CTNNA3: variants seen among roughly 807,000 people sequenced by gnomAD.
The protein encoded by CTNNA3 is catenin alpha 3.
Under a neutral mutation model 95.7 loss-of-function variants are expected in CTNNA3, and 76 were observed. The ratio of observed to expected loss-of-function variants is 0.79; its 90% CI spans 0.66 to 0.96. CTNNA3 has a LOEUF of 0.96. Ranked by LOEUF, CTNNA3 falls within the 40% of genes least tolerant of loss-of-function variation. The pLI, the probability that CTNNA3 is intolerant of heterozygous loss-of-function variation, is 0.00. For synonymous variants in CTNNA3, 431 were observed against 374.4 expected (o/e 1.15, Z -1.74); for missense variants, 1,191 against 1,089.8 (o/e 1.09, Z -1.31).
At chr10:66,195,058 G>T (rs1197528061) in intron 13 of CTNNA3, among the ~76,000 whole-genome samples, 2 of 151,932 alleles carry the variant, frequency 1.3e-5, no homozygotes, top group East Asian at 1.9e-4. Context: ...AGGTAGACTT[G>T]GGCATATACA....
intron 15 of CTNNA3, among the ~76,000 whole-genome samples, chr10:66,015,943 A>T (rs180805377): frequency 1.5e-4 from 23 of 152,332 alleles, no homozygotes; most frequent in South Asian, 4.1e-4. Flanking sequence ...TATATGTTAA[A>T]TATTTAGCAA....
chr10:67,616,208 T>C (rs543400116), intron 2 of CTNNA3, among the ~76,000 whole-genome samples: 8 of 152,240 alleles, frequency 5.3e-5, no homozygotes, highest in African/African-American at 1.9e-4. Flanking sequence ...ATAGGAAGGC[T>C]GGTATGGAGG....
At chr10:67,072,140 G>T (rs543311169) in intron 7 of CTNNA3, among the ~76,000 whole-genome samples, 1 of 152,228 alleles carries the variant, frequency 6.6e-6, no homozygotes, top group East Asian at 1.9e-4. Flanking sequence ...TTTTAGTAGA[G>T]ATGGCTTTTT....
At chr10:66,563,951 T>A (rs1842629104) in intron 10 of CTNNA3, among the ~76,000 whole-genome samples, 1 of 152,052 alleles carries the variant, frequency 6.6e-6, no homozygotes, top group African/African-American at 2.4e-5. Context: ...AATGTACATC[T>A]TATATATATT....
intron 7 of CTNNA3, among the ~76,000 whole-genome samples, chr10:66,833,079 T>C (rs1842776933): frequency 6.6e-6 from 1 of 152,210 alleles, no homozygotes; most frequent in African/African-American, 2.4e-5. Context: ...ATATTTTATC[T>C]TGGTGCTTTC....
intron 11 of CTNNA3, among the ~76,000 whole-genome samples, chr10:66,423,063 C>A (rs2093209684): frequency 6.6e-6 from 1 of 152,136 alleles, no homozygotes; most frequent in South Asian, 2.1e-4. Context: ...CCCTGTCCAA[C>A]TCCAACTCTC....
intron 7 of CTNNA3, among the ~76,000 whole-genome samples, chr10:66,962,875 C>T (rs899656370): frequency 3.9e-5 from 6 of 152,034 alleles, no homozygotes; most frequent in Admixed American, 2.0e-4. Context: ...TCTGTCTTGC[C>T]CAACAATGCA....
chr10:66,392,185 C>G (rs774617775), intron 11 of CTNNA3, among the ~76,000 whole-genome samples: 2 of 152,108 alleles, frequency 1.3e-5, no homozygotes, highest in Non-Finnish European at 2.9e-5. Flanking sequence ...AATCCCAGCA[C>G]TTTGGGAGGC....
chr10:67,216,532 T>TCATG (rs1444816649), intron 6 of CTNNA3, among the ~76,000 whole-genome samples: 1 of 152,212 alleles, frequency 6.6e-6, no homozygotes, highest in Non-Finnish European at 1.5e-5. Context: ...ATTCATTCAT[T>TCATG]CATGCATTCA....
intron 5 of CTNNA3, among the ~76,000 whole-genome samples, chr10:67,369,796 C>T (rs529076172): frequency 1.3e-5 from 2 of 152,012 alleles, no homozygotes; most frequent in East Asian, 3.9e-4. Flanking sequence ...AGAAAAATAA[C>T]CAAAGTTAAA....
At chr10:66,399,230 T>C (rs1406364639) in intron 11 of CTNNA3, among the ~76,000 whole-genome samples, 1 of 151,884 alleles carries the variant, frequency 6.6e-6, no homozygotes, top group African/African-American at 2.4e-5. Context: ...TGAGTTAAAA[T>C]TGACTGTGAA....
At chr10:66,149,781 G>A (rs2084095201) in intron 13 of CTNNA3, among the ~76,000 whole-genome samples, 1 of 151,824 alleles carries the variant, frequency 6.6e-6, no homozygotes, top group Admixed American at 6.6e-5. Flanking sequence ...AAATTAAGCT[G>A]AGTATCATCC....
intron 7 of CTNNA3, among the ~76,000 whole-genome samples, chr10:66,828,705 A>G (rs1277270248): frequency 6.6e-6 from 1 of 152,238 alleles, no homozygotes; most frequent in Non-Finnish European, 1.5e-5. Flanking sequence ...CAGCTTCATC[A>G]TTTTATTAAA....
chr10:66,504,886 C>T (rs1840398245), intron 11 of CTNNA3, among the ~76,000 whole-genome samples: 1 of 152,084 alleles, frequency 6.6e-6, no homozygotes, highest in Non-Finnish European at 1.5e-5. Context: ...TGTTTATAAA[C>T]AGTATATTTT....
intron 9 of CTNNA3, among the ~76,000 whole-genome samples, chr10:66,752,364 C>T (rs142430212): frequency 5.9e-5 from 9 of 152,120 alleles, no homozygotes; most frequent in African/African-American, 9.6e-5. Context: ...CAGCAAATAA[C>T]GCTGAAACAA....
intron 1 of CTNNA3, among the ~76,000 whole-genome samples, chr10:67,720,590 AT>A (rs1366963613): frequency 2.0e-5 from 3 of 151,950 alleles, no homozygotes; most frequent in Non-Finnish European, 4.4e-5. Flanking sequence ...TCTGTAAAGG[AT>A]TTTATTTCTC....
Position 66,018,227 on chromosome 10 carries a change from T to G in CTNNA3, c.2160-29430A>C, listed in dbSNP as rs540614280. ...ACACACACACACACACACTATTTTATTGGCTGACAAAGAATAAGTGCAGAA... is the reference window on the plus strand; with the variant it reads ...ACACACACACACACACACTATTTTAGTGGCTGACAAAGAATAAGTGCAGAA... On this transcript the variant is annotated intron_variant, in intron 15 of 17. Coordinates refer to ENST00000433211, the MANE Select transcript of CTNNA3 (RefSeq NM_013266.4). Among the ~76,000 whole-genome samples, 46 of 62,928 alleles carry G rather than the reference T, an allele frequency of 7.3e-4. No homozygotes were observed. The South Asian group carries it at 0.023, about 31-fold the overall frequency. 41.3% of individuals were successfully genotyped at this position (62,928 alleles called of 152,430 possible). A position where few individuals can be genotyped will look rare whatever the true frequency, so the allele number is the denominator to read the frequency against.
intron 9 of CTNNA3, among the ~76,000 whole-genome samples, chr10:66,734,469 T>C (rs898757210): frequency 3.3e-5 from 5 of 152,152 alleles, no homozygotes; most frequent in South Asian, 2.1e-4. Context: ...CAAAAGTATT[T>C]TGTTGGTGGT....
intron 5 of CTNNA3, among the ~76,000 whole-genome samples, chr10:67,299,540 G>C (rs1342791020): frequency 6.6e-6 from 1 of 152,112 alleles, no homozygotes; most frequent in Non-Finnish European, 1.5e-5. Context: ...AGTCACCCTG[G>C]TAGAAGGCTG....
Sources: gnomAD v4.1 joint callset for allele counts (sites outside exome capture counted in the v4.1 genomes callset) on GRCh38, gnomAD v4.1.1 for gene constraint, MANE v1.5 for transcripts, NCBI Gene and HGNC (gene_info 2026-07-23, HGNC 2026-07-21) for gene names.